The following TXNRD1 variants were observed in gnomAD, a reference collection of about 807,000 sequenced individuals.
TXNRD1 encodes thioredoxin reductase 1, also known as thioredoxin reductase 1, cytoplasmic.
In TXNRD1, 57 loss-of-function variants were observed where a neutral mutation model predicts 80.3. The ratio of observed to expected loss-of-function variants is 0.71; its 90% confidence interval spans 0.57 to 0.89. The LOEUF is 0.89. Ranked by LOEUF, TXNRD1 falls within the 40% of genes least tolerant of loss-of-function variation. The probability of loss-of-function intolerance (pLI) is 0.00; values close to 1 mark genes in which losing one functional copy is unlikely to be tolerated. For synonymous variants in TXNRD1, 291 were observed against 285.2 expected (o/e 1.02, Z -0.20); for missense variants, 730 against 803.0 (o/e 0.91, Z 1.10).
chr12:104,288,738 T>C, intron 3 of TXNRD1, 193 bp from the exon 4 acceptor site: 1 of 1,450,224 alleles, frequency 6.9e-7, no homozygotes, highest in Non-Finnish European at 9.1e-7. Flanking sequence ...TTTGCCGGGG[T>C]CAGACTCCAA....
chr12:104,303,932 C>T (rs751458754), intron 4 of TXNRD1: 3 of 1,584,248 alleles, frequency 1.9e-6, no homozygotes, highest in Non-Finnish European at 2.6e-6. Flanking sequence ...GGAGGGAGCG[C>T]TGATGAAGAT....
In TXNRD1 at chr12:104,289,029, C is replaced by T. The variant is rs778822919; in HGVS notation, c.403C>T (p.Pro135Ser). The change falls in exon 4 of 17, where the codon CCA becomes TCA. Residue 135 changes from proline (P) to serine (S), a missense_variant. Pro to Ser is a moderately conservative substitution (Grantham distance 74, BLOSUM62 -1). Coordinates refer to ENST00000525566, the MANE Select transcript of TXNRD1 (RefSeq NM_001093771.3). ...VKQRKIGGHG[P>S]TLKAYQEGRL... ...ACAGAGAAAGATAGGCGGCCATGGT[C>T]CAACCTTGAAGGTAGGAGAGAGTAA... is the stretch of plus-strand genomic sequence containing the variant. 66 of 1,613,908 alleles carry T rather than the reference C, an allele frequency of 4.1e-5. No homozygotes were observed. The highest frequency in any genetic ancestry group is 5.4e-5 in the Non-Finnish European group (64 of 1,179,836).
chr12:104,325,534 G>A (rs1256377143), intron 11 of TXNRD1, 105 bp downstream of exon 11: 1 of 806,030 alleles, frequency 1.2e-6, no homozygotes, highest in East Asian at 2.7e-5. Context: ...CAAATGTACT[G>A]GTTCTATGCC....
At chr12:104,238,154 G>C (rs768754790) in intron 1 of TXNRD1, among the ~76,000 whole-genome samples, 2 of 152,140 alleles carry the variant, frequency 1.3e-5, no homozygotes, top group Non-Finnish European at 2.9e-5. Context: ...GTGGTCTACA[G>C]TCATGTTTTT....
chr12:104,261,832 T>C (rs1330881920), intron 3 of TXNRD1, among the ~76,000 whole-genome samples: 1 of 152,020 alleles, frequency 6.6e-6, no homozygotes, highest in Non-Finnish European at 1.5e-5. Context: ...CACTGCAACC[T>C]CTGCCTCCTG....
chr12:104,263,401 C>T (rs774856598), intron 3 of TXNRD1, among the ~76,000 whole-genome samples: 30 of 151,964 alleles, frequency 2.0e-4, no homozygotes, highest in Non-Finnish European at 3.5e-4. Flanking sequence ...TTCATGGTGT[C>T]GATATCATGA....
At chr12:104,216,185 AACCGAGATCT>A (rs1451933527) in intron 1 of TXNRD1, among the ~76,000 whole-genome samples, 1 of 152,198 alleles carries the variant, frequency 6.6e-6, no homozygotes, top group Non-Finnish European at 1.5e-5. Context: ...TCGGAAACCG[AACCGAGATCT>A]CGGCAGCGAC....
intron 3 of TXNRD1, among the ~76,000 whole-genome samples, chr12:104,273,295 A>G (rs563920031): frequency 7.9e-5 from 12 of 152,274 alleles, no homozygotes; most frequent in African/African-American, 2.9e-4. Flanking sequence ...GCAGACCACC[A>G]TTAACAAGAA....
At chr12:104,239,147 GA>G (rs2135691378) in intron 1 of TXNRD1, among the ~76,000 whole-genome samples, 1 of 151,626 alleles carries the variant, frequency 6.6e-6, no homozygotes, top group South Asian at 2.1e-4. Context: ...ACGTTTGGGA[GA>G]ATTTATCAGC....
intron 4 of TXNRD1, chr12:104,304,055 CG>C (rs1565889004): frequency 6.2e-7 from 1 of 1,613,818 alleles, no homozygotes; most frequent in Admixed American, 1.7e-5. Flanking sequence ...CCGCAGCATC[CG>C]CAGGCAGTAC....
chr12:104,246,972 A>G (rs953251421), intron 1 of TXNRD1, among the ~76,000 whole-genome samples: 5 of 152,214 alleles, frequency 3.3e-5, no homozygotes, highest in Admixed American at 3.3e-4. Context: ...ACAAGTGGAT[A>G]GTAAGTACTT....
At chr12:104,290,431 C>G (rs1049380057) in intron 4 of TXNRD1, among the ~76,000 whole-genome samples, 1 of 151,910 alleles carries the variant, frequency 6.6e-6, no homozygotes, top group African/African-American at 2.4e-5. Context: ...GTGGCTCACA[C>G]TTGTAATCCC....
At chr12:104,247,557 C>G (rs567714044) in intron 1 of TXNRD1, among the ~76,000 whole-genome samples, 6 of 152,268 alleles carry the variant, frequency 3.9e-5, no homozygotes, top group Admixed American at 3.9e-4. Context: ...AGGAAAAATT[C>G]TGATGATTTT....
At chr12:104,285,008 T>C (rs1289056677) in intron 3 of TXNRD1, among the ~76,000 whole-genome samples, 1 of 152,086 alleles carries the variant, frequency 6.6e-6, no homozygotes, top group Admixed American at 6.6e-5. Context: ...ACCCCATTTC[T>C]ACTAAAAATA....
chr12:104,245,564 G>GGC (rs1392273003), intron 1 of TXNRD1, among the ~76,000 whole-genome samples: 2 of 133,212 alleles, frequency 1.5e-5, no homozygotes, highest in African/African-American at 5.7e-5. Context: ...TAAAAGGTAT[G>GGC]GCCATCTCAG....
At chr12:104,339,349 G>A in intron 16 of TXNRD1, 76 bp downstream of exon 16, 1 of 1,570,146 alleles carries the variant, frequency 6.4e-7, no homozygotes, top group Non-Finnish European at 8.7e-7. Context: ...GCTTATACAT[G>A]GCAGATGTAG....
intron 14 of TXNRD1, among the ~76,000 whole-genome samples, chr12:104,332,871 A>G (rs1401690107): frequency 6.7e-6 from 1 of 148,386 alleles, no homozygotes; most frequent in Non-Finnish European, 1.5e-5. Flanking sequence ...ATTTTTGTGT[A>G]TTTCCTTCCA....
chr12:104,346,228 G>T (rs745903405), intron 16 of TXNRD1: 10 of 212,452 alleles, frequency 4.7e-5, no homozygotes, highest in Non-Finnish European at 8.8e-5. Context: ...GCCCAGGCTG[G>T]TCTCAAACTC....
chr12:104,268,057 T>A (rs1318219322), intron 3 of TXNRD1, among the ~76,000 whole-genome samples: 1 of 151,402 alleles, frequency 6.6e-6, no homozygotes. Context: ...CATCATGTTG[T>A]CCAGGCTGGT....
Sources: gnomAD v4.1 joint callset for allele counts (sites outside exome capture counted in the v4.1 genomes callset) on GRCh38, gnomAD v4.1.1 for gene constraint, MANE v1.5 for transcripts, NCBI Gene and HGNC (gene_info 2026-07-23, HGNC 2026-07-21) for gene names.